Variants in MDGA1 observed in about 807,000 individuals in gnomAD.
The protein encoded by MDGA1 is MAM domain containing glycosylphosphatidylinositol anchor 1, also known as MAM domain-containing glycosylphosphatidylinositol anchor protein 1.
Under a neutral mutation model 101.5 loss-of-function variants are expected in MDGA1, and 54 were observed. That is an observed-to-expected ratio of 0.53 (90% CI 0.43 to 0.67). The LOEUF (loss-of-function observed/expected upper bound fraction) is 0.67, where lower values mean the gene tolerates loss of function less well. Ranked by LOEUF, MDGA1 falls within the 30% of genes least tolerant of loss-of-function variation. The pLI, the probability that MDGA1 is intolerant of heterozygous loss-of-function variation, is 0.00. For missense variants in MDGA1, 1,083 were observed against 1,323.8 expected, an observed-to-expected ratio of 0.82 and a Z score of 2.82; for synonymous variants, 533 against 558.3, an observed-to-expected ratio of 0.95 and a Z score of 0.64.
At chr6:37,693,445 G>A (rs1265247468) in intron 1 of MDGA1, among the ~76,000 whole-genome samples, 2 of 152,194 alleles carry the variant, frequency 1.3e-5, no homozygotes, top group Non-Finnish European at 2.9e-5. Flanking sequence ...TGACACCTTT[G>A]GTGAAATATT....
Position 37,649,365 on chromosome 6 carries a change from G to A in MDGA1, c.1610-99C>T, listed in dbSNP as rs960800955. On this transcript the variant is annotated intron_variant, in intron 8 of 16. Coordinates refer to ENST00000434837, the MANE Select transcript of MDGA1 (RefSeq NM_153487.4). The stretch of plus-strand genomic sequence containing the variant: ...AACGCGCTCGCCTCTAATGCCGTGA[G>A]CCCCCGCCAGGAAAAATCCCAGGGC... The A allele has an allele frequency of 1.4e-5, 20 of 1,388,112 alleles. No individual in the cohort carries two copies. The African/African-American group carries it at 3.1e-4, about 21-fold the overall frequency. 86.0% of individuals were successfully genotyped at this position (1,388,112 alleles called of 1,614,324 possible).
In MDGA1 at chr6:37,655,084, G is replaced by A. The variant is rs9369015; in HGVS notation, c.580-152C>T. On this transcript the variant is annotated intron_variant, in intron 4 of 16. Coordinates refer to ENST00000434837, the MANE Select transcript of MDGA1 (RefSeq NM_153487.4). This position sits in a 1 kb window ranked among gnomAD's most constrained non-coding sequence, Gnocchi z 5.1. ...CCACCCTCACCATTTAGCCCCAGGG[G>A]TCCTGAGCCTGGGGTGGATGCTACA... 0.21 allele frequency: 192,931 copies of A among 908,110 alleles called. 21,426 individuals carry two copies. The highest frequency in any genetic ancestry group is 0.28 in the Middle Eastern group (824 of 2,926). The allele number at this position is 908,110 out of a possible 1,614,324, so 56.3% of individuals were successfully genotyped here.
chr6:37,679,877 G>A (rs926919770), intron 1 of MDGA1, among the ~76,000 whole-genome samples: 6 of 152,170 alleles, frequency 3.9e-5, no homozygotes, highest in Non-Finnish European at 5.9e-5. Flanking sequence ...GTTAGTGAGC[G>A]GCCGAGCAGA....
At position 37,654,407 on chromosome 6, in the gene MDGA1, G is replaced by A. The variant is rs1466792632; in HGVS notation, c.849C>T (p.Pro283=). Residue 283 remains proline, a synonymous_variant, in exon 6 of 17, where the codon CCC becomes CCT. Transcript: ENST00000434837. ...TGCCACCCTGGGCCAGAGCACCCAG[G>A]GGCAGTGGGCCAGGCCCATGGGACC... ...LQWSHGPGPL[P]LGALAQGGTL... The A allele has an allele frequency of 1.2e-6, 2 of 1,613,926 alleles. No individual in the cohort carries two copies. The highest frequency in any genetic ancestry group is 2.2e-5 in the East Asian group (1 of 44,882).
At position 37,650,196 on chromosome 6, in the gene MDGA1, T is replaced by C. The variant is rs766226287; in HGVS notation, c.1522A>G (p.Met508Val). The change falls in exon 8 of 17, where the codon ATG becomes GTG. Residue 508 changes from methionine to valine, a missense_variant. Transcript: ENST00000434837. ...GTCTGGCAGCGGTAGGTCCCGCTCA[T>C]GTCTCGGCTCACTCGCTCCAGCCGC... ...KLRLERVSRD[M>V]SGTYRCQTAR... 1.2e-6 allele frequency: 2 copies of C among 1,613,220 alleles called. No homozygotes were observed. Among genetic ancestry groups the C allele is most frequent in the East Asian group, 2.2e-5 (1 of 44,880 alleles).
chr6:37,658,512 C>T (rs1761548180), intron 2 of MDGA1, 93 bp from the exon 3 acceptor site: 6 of 1,341,262 alleles, frequency 4.5e-6, no homozygotes, highest in African/African-American at 4.4e-5. Context: ...CCCCTTTCTC[C>T]CATACTTTTT....
At chr6:37,694,970 TG>T (rs1246941082) in intron 1 of MDGA1, among the ~76,000 whole-genome samples, 1 of 151,884 alleles carries the variant, frequency 6.6e-6, no homozygotes. Flanking sequence ...CAGAGACCAC[TG>T]CCCCTGACTC....
intron 9 of MDGA1, among the ~76,000 whole-genome samples, chr6:37,647,787 G>A (rs1444955453): frequency 6.6e-6 from 1 of 151,896 alleles, no homozygotes; most frequent in South Asian, 2.1e-4. Flanking sequence ...AGGGAAGGAG[G>A]TGGGAAATGT....
At position 37,630,826 on chromosome 6, in the gene MDGA1, T is replaced by A. The variant is rs1411469991; in HGVS notation, c.*6542A>T. 1.3e-5 allele frequency: 2 copies of A among 152,236 alleles called. No homozygotes were observed. The highest frequency in any genetic ancestry group is 6.5e-5 in the Admixed American group (1 of 15,288). 9.4% of individuals were successfully genotyped at this position (152,236 alleles called of 1,614,324 possible). On this transcript the variant is annotated 3_prime_UTR_variant, in exon 17 of 17. Coordinates refer to ENST00000434837, the MANE Select transcript of MDGA1 (RefSeq NM_153487.4). Reference sequence around the variant, plus strand: ...CTTCTGGTGCTTTGGTGGAGATGGCTGGAAGGCTGGACTCAGCTGGGATGG... The same window carrying A: ...CTTCTGGTGCTTTGGTGGAGATGGCAGGAAGGCTGGACTCAGCTGGGATGG...
At position 37,696,734 on chromosome 6, in the gene MDGA1, C is replaced by T; in HGVS notation, c.67+11G>A. 1 of 1,573,514 alleles carries T rather than the reference C, an allele frequency of 6.4e-7. No homozygotes were observed. Among genetic ancestry groups the T allele is most frequent in the Non-Finnish European group, 8.6e-7 (1 of 1,158,522 alleles). On this transcript the variant is annotated intron_variant, in intron 1 of 16. Coordinates refer to ENST00000434837, the MANE Select transcript of MDGA1 (RefSeq NM_153487.4). The surrounding 1 kb of genome is among the most constrained non-coding windows in gnomAD (Gnocchi z 5.6). Reference sequence around the variant, plus strand: ...GGTTAAGCCAAGGTGGAGCGGGACGCGGGCTCTTACCGTAGACTCCTTGTC... The same window carrying T: ...GGTTAAGCCAAGGTGGAGCGGGACGTGGGCTCTTACCGTAGACTCCTTGTC...
In MDGA1 at chr6:37,636,713, A is replaced by C. The variant is rs804841; in HGVS notation, c.*655T>G. On this transcript the variant is annotated 3_prime_UTR_variant, in exon 17 of 17. Coordinates refer to ENST00000434837, the MANE Select transcript of MDGA1 (RefSeq NM_153487.4). The stretch of plus-strand genomic sequence containing the variant: ...AATATGGTGTCCCAGAAATAGGTCA[A>C]GGAATCTGGGGTGACCTATGGTCTC... The C allele has an allele frequency of 6.6e-6, 1 of 152,652 alleles. No homozygotes were observed. The highest frequency in any genetic ancestry group is 1.5e-5 in the Non-Finnish European group (1 of 68,068). The allele number at this position is 152,652 out of a possible 1,614,324, so 9.5% of individuals were successfully genotyped here. A position where few individuals can be genotyped will look rare whatever the true frequency, so the allele number is the denominator to read the frequency against.
Position 37,643,877 on chromosome 6 carries a change from G to A in MDGA1, c.2468C>T (p.Pro823Leu), listed in dbSNP as rs760488481. 4 of 1,613,926 alleles carry A rather than the reference G, an allele frequency of 2.5e-6. No homozygotes were observed. Among genetic ancestry groups the A allele is most frequent in the Non-Finnish European group, 2.5e-6 (3 of 1,179,858 alleles). ...GAACTTGGCGCTGGCATTGTAGAGG[G>A]GACTCACTAACCTTGCACGGTCCCC... ...ELGDRARLVS[P>L]LYNASAKFYC... The change falls in exon 14 of 17, where the codon CCC becomes CTC. Residue 823 changes from proline (P) to leucine (L), a missense_variant. Coordinates refer to ENST00000434837, the MANE Select transcript of MDGA1 (RefSeq NM_153487.4).
intron 7 of MDGA1, among the ~76,000 whole-genome samples, chr6:37,650,906 T>G (rs917912699): frequency 1.3e-5 from 2 of 152,248 alleles, no homozygotes; most frequent in African/African-American, 4.8e-5. Context: ...GCCTGCATTA[T>G]CGTTAGCTAC....
At chr6:37,646,623 C>T in intron 10 of MDGA1, among the ~76,000 whole-genome samples, 1 of 152,150 alleles carries the variant, frequency 6.6e-6, no homozygotes, top group Non-Finnish European at 1.5e-5. Flanking sequence ...CCCCATTTTA[C>T]AGATAAGGAA....
intron 1 of MDGA1, among the ~76,000 whole-genome samples, chr6:37,674,054 G>A (rs9462351): frequency 0.026 from 3,961 of 152,266 alleles, 180 homozygotes; most frequent in African/African-American, 0.09. Flanking sequence ...CCTGCCCTCA[G>A]TGCTGGGACA....
intron 1 of MDGA1, among the ~76,000 whole-genome samples, chr6:37,695,334 C>T (rs988494164): frequency 2.0e-5 from 3 of 152,236 alleles, no homozygotes; most frequent in Admixed American, 6.5e-5. Flanking sequence ...GCCTCCAGTA[C>T]CTGCCCCGTG....
Position 37,655,599 on chromosome 6 carries a change from ATTG to A in MDGA1, c.579+98_579+100del. ...TGTGTGTTTCCAAAGTAAGAATAGA[ATTG>A]TTGAAGTCAAGGCAGTCCCAAAAAC... On this transcript the variant is annotated intron_variant, in intron 4 of 16. Coordinates refer to ENST00000434837, the MANE Select transcript of MDGA1 (RefSeq NM_153487.4). This position sits in a 1 kb window ranked among gnomAD's most constrained non-coding sequence, Gnocchi z 5.1. The A allele has an allele frequency of 3.6e-6, 3 of 832,584 alleles. No individual in the cohort carries two copies. In the South Asian group the frequency reaches 5.5e-5, roughly 15 times the overall value. 51.6% of individuals were successfully genotyped at this position (832,584 alleles called of 1,614,324 possible).
chr6:37,641,767 C>T (rs890727960), intron 14 of MDGA1: 14 of 152,146 alleles, frequency 9.2e-5, no homozygotes, highest in African/African-American at 2.7e-4. Flanking sequence ...TGAGAGGACT[C>T]GGCAGGGTGG....
At chr6:37,673,998 T>G (rs1439994966) in intron 1 of MDGA1, among the ~76,000 whole-genome samples, 1 of 152,204 alleles carries the variant, frequency 6.6e-6, no homozygotes, top group Non-Finnish European at 1.5e-5. Context: ...CATTGATTCA[T>G]TAATTGGCTC....
Sources: gnomAD v4.1 joint callset for allele counts (sites outside exome capture counted in the v4.1 genomes callset) on GRCh38, gnomAD v4.1.1 for gene constraint, Gnocchi (gnomAD v3.1) non-coding constraint, MANE v1.5 for transcripts, NCBI Gene and HGNC (gene_info 2026-07-23, HGNC 2026-07-21) for gene names.